The following SIGLEC11 variants were observed in gnomAD, a reference collection of about 807,000 sequenced individuals.
SIGLEC11 encodes sialic acid-binding Ig-like lectin 11.
SIGLEC11 carries 47 observed loss-of-function variants against 61.2 expected under a neutral mutation model. The ratio of observed to expected loss-of-function variants is 0.77; its 90% CI spans 0.61 to 0.98. SIGLEC11 has a LOEUF of 0.98. Ranked by LOEUF, SIGLEC11 falls within the 50% of genes least tolerant of loss-of-function variation. The probability of loss-of-function intolerance (pLI) is 0.00; values close to 1 mark genes in which losing one functional copy is unlikely to be tolerated. For synonymous variants in SIGLEC11, 278 were observed against 373.1 expected, an observed-to-expected ratio of 0.75 and a Z score of 2.94; for missense variants, 610 against 870.3, an observed-to-expected ratio of 0.70 and a Z score of 3.76.
intron 8 of SIGLEC11, among the ~76,000 whole-genome samples, chr19:49,956,405 T>C (rs976142443): frequency 6.6e-6 from 1 of 152,150 alleles, no homozygotes; most frequent in African/African-American, 2.4e-5. Context: ...ACACCTACTA[T>C]CAGCCGAAAG....
chr19:49,956,883 GA>G (rs57825504), intron 8 of SIGLEC11, among the ~76,000 whole-genome samples: 24,335 of 145,874 alleles, frequency 0.17, 2,772 homozygotes, highest in African/African-American at 0.32. Flanking sequence ...TCCTAGCCCA[GA>G]AAAAAAAAAA....
chr19:49,950,128 G>C lies in SIGLEC11; in HGVS notation c.1939C>G (p.Leu647Val). The C allele has an allele frequency of 1.2e-6, 2 of 1,612,652 alleles. No homozygotes were observed. The highest frequency in any genetic ancestry group is 1.7e-6 in the Non-Finnish European group (2 of 1,179,640). Residue 647 changes from leucine to valine, a missense_variant, in exon 11 of 11, where the codon CTC (leucine) becomes GTC (valine). Coordinates refer to ENST00000447370, the MANE Select transcript of SIGLEC11 (RefSeq NM_052884.3). ...GEEQELHYAS[L>V]SFQGLRLWEP... ...CAGAGCCTCAGGCCCTGGAAGCTGAGGGAGGCATAGTGGAGCTCCTGCTCT... is the reference window on the plus strand; with the variant it reads ...CAGAGCCTCAGGCCCTGGAAGCTGACGGAGGCATAGTGGAGCTCCTGCTCT...
Position 49,955,285 on chromosome 19 carries a change from G to C in SIGLEC11, c.1652-2891C>G, listed in dbSNP as rs181578199. On this transcript the variant is annotated intron_variant, in intron 8 of 10. Coordinates refer to ENST00000447370, the MANE Select transcript of SIGLEC11 (RefSeq NM_052884.3). This position sits in a 1 kb window ranked among gnomAD's most constrained non-coding sequence, Gnocchi z 4.5. Reference sequence around the variant, plus strand: ...GCCTGGCTCTATCTGGAAAAAGAGCGGGGCGGGGACTGGCCCCAGAAAAAA... The same window carrying C: ...GCCTGGCTCTATCTGGAAAAAGAGCCGGGCGGGGACTGGCCCCAGAAAAAA... 4.0e-5 allele frequency among the ~76,000 whole-genome samples: 6 copies of C among 151,376 alleles called. No individual in the cohort carries two copies. Among genetic ancestry groups the C allele is most frequent in the Non-Finnish European group, 8.8e-5 (6 of 67,944 alleles).
Position 49,958,263 on chromosome 19 carries a change from G to T in SIGLEC11, c.1651+20C>A. 6.2e-7 allele frequency: 1 copy of T among 1,611,002 alleles called. No homozygotes were observed. The highest frequency in any genetic ancestry group is 1.1e-5 in the South Asian group (1 of 90,718). Reference sequence around the variant, plus strand: ...CTGTCTCCTTTCTCCCTGAACCTCAGCCCCCCACAGTCCCCTCACCTGGTA... The same window carrying T: ...CTGTCTCCTTTCTCCCTGAACCTCATCCCCCCACAGTCCCCTCACCTGGTA... On this transcript the variant is annotated intron_variant, in intron 8 of 10. Transcript: ENST00000447370.
chr19:49,952,361 C>T lies in SIGLEC11; in HGVS notation c.1685G>A (p.Gly562Glu). The T allele has an allele frequency of 6.2e-7, 1 of 1,609,250 alleles. No individual in the cohort carries two copies. The highest frequency in any genetic ancestry group is 8.5e-7 in the Non-Finnish European group (1 of 1,179,982). Residue 562 changes from glycine to glutamate, a missense_variant, in exon 9 of 11, where the codon GGG (glycine) becomes GAG (glutamate). Gly to Glu is a moderately conservative substitution (Grantham distance 98). Transcript: ENST00000447370. Reference sequence around the variant, plus strand: ...AGCGACGCCAGCTCCCAGGGCAGCCCCCAGGCCAAGTCCTCCCCCATGCTC... The same window carrying T: ...AGCGACGCCAGCTCCCAGGGCAGCCTCCAGGCCAAGTCCTCCCCCATGCTC... ...KLEHGGGLGL[G>E]AALGAGVAAL...
At chr19:49,952,494 C>T in intron 8 of SIGLEC11, 100 bp from the exon 9 acceptor site, 2 of 766,032 alleles carry the variant, frequency 2.6e-6, no homozygotes, top group South Asian at 3.5e-5. Flanking sequence ...TCATCCCCAA[C>T]TGAGGCAGAA....
chr19:49,957,534 A>G (rs2076205619), intron 8 of SIGLEC11, among the ~76,000 whole-genome samples: 1 of 152,192 alleles, frequency 6.6e-6, no homozygotes, highest in Admixed American at 6.5e-5. Context: ...GAAAAAAAAA[A>G]AAAGACAAAT....
intron 9 of SIGLEC11, 131 bp downstream of exon 9, chr19:49,952,167 C>T: frequency 9.3e-7 from 1 of 1,080,090 alleles, no homozygotes; most frequent in Non-Finnish European, 1.3e-6. Flanking sequence ...CAGACCCCTG[C>T]TCTGATCCTC....
chr19:49,956,786 A>G (rs78439891), intron 8 of SIGLEC11, among the ~76,000 whole-genome samples: 1 of 152,180 alleles, frequency 6.6e-6, no homozygotes, highest in South Asian at 2.1e-4. Context: ...CATCACTAAT[A>G]AAACAGCAAA....
rs1014678550 is a variant in SIGLEC11 at position 49,960,929 on chromosome 19, AG to A, written c.82del (p.Leu28Ter). ...AAGACTGTAACTGGGATCCTTGTTC[AG>A]GGACCCTGGGGAGATGCAGAGGCTC... ...LLLPVLGAGSLNKDPSYSLQV... is the reference protein window; with the variant it reads ...LLLPVLGAGSXNKDPSYSLQV... On this transcript the variant is annotated frameshift_variant, in exon 2 of 11. Transcript: ENST00000447370. LOFTEE classifies it high-confidence loss of function. The A allele has an allele frequency of 6.7e-7, 1 of 1,485,212 alleles. No individual in the cohort carries two copies. Among genetic ancestry groups the A allele is most frequent in the African/African-American group, 1.4e-5 (1 of 70,022 alleles). The allele number at this position is 1,485,212 out of a possible 1,614,324, so 92.0% of individuals were successfully genotyped here. A position where few individuals can be genotyped will look rare whatever the true frequency, so the allele number is the denominator to read the frequency against.
At chr19:49,958,964 C>T in intron 6 of SIGLEC11, 64 bp from the exon 7 acceptor site, 5 of 1,612,882 alleles carry the variant, frequency 3.1e-6, no homozygotes, top group Non-Finnish European at 4.2e-6. Flanking sequence ...TGTGTGGGGA[C>T]CCTCCAGACT....
At chr19:49,959,103 C>T in intron 5 of SIGLEC11, 26 bp from the exon 6 acceptor site, 1 of 1,613,646 alleles carries the variant, frequency 6.2e-7, no homozygotes, top group Non-Finnish European at 8.5e-7. Flanking sequence ...GGGACCGGCT[C>T]TAGACAGACC....
intron 8 of SIGLEC11, among the ~76,000 whole-genome samples, chr19:49,953,384 C>T (rs1235840169): frequency 2.0e-5 from 3 of 152,080 alleles, no homozygotes; most frequent in Non-Finnish European, 2.9e-5. Context: ...TTGGGGGCAG[C>T]GAGAGTGGCT....
intron 8 of SIGLEC11, among the ~76,000 whole-genome samples, 198 bp downstream of exon 8, chr19:49,958,085 A>T (rs1247481129): frequency 6.6e-6 from 1 of 152,190 alleles, no homozygotes; most frequent in East Asian, 1.9e-4. Context: ...AACTTACCTT[A>T]AATAAACAAT....
intron 2 of SIGLEC11, 28 bp downstream of exon 2, chr19:49,960,524 A>C: frequency 6.3e-7 from 1 of 1,593,840 alleles, no homozygotes. Flanking sequence ...CCAGTGTGAC[A>C]GGCAGGGGTT....
At chr19:49,952,012 C>G in intron 9 of SIGLEC11, 40 bp from the exon 10 acceptor site, 1 of 1,563,256 alleles carries the variant, frequency 6.4e-7, no homozygotes, top group Non-Finnish European at 8.7e-7. Context: ...CCAGGCTGGT[C>G]CAGAGCCTGG....
chr19:49,950,723 G>C (rs2076153558), intron 10 of SIGLEC11, among the ~76,000 whole-genome samples: 3 of 152,194 alleles, frequency 2.0e-5, no homozygotes, highest in Admixed American at 6.5e-5. Flanking sequence ...GCAGCTTGCA[G>C]TATGGAAGAA....
chr19:49,949,897 G>A lies in SIGLEC11; in HGVS notation c.*73C>T, dbSNP rs2076146904. On this transcript the variant is annotated 3_prime_UTR_variant, in exon 11 of 11. Transcript: ENST00000447370. Reference sequence around the variant, plus strand: ...TTCATTGGGGATGGGGCTGAAATCTGAGTCCAGTTCTGGCCGTCACACCAG... The same window carrying A: ...TTCATTGGGGATGGGGCTGAAATCTAAGTCCAGTTCTGGCCGTCACACCAG... 2.3e-6 allele frequency: 3 copies of A among 1,312,366 alleles called. No individual in the cohort carries two copies. Among genetic ancestry groups the A allele is most frequent in the Non-Finnish European group, 2.9e-6 (3 of 1,018,700 alleles). 81.3% of individuals were successfully genotyped at this position (1,312,366 alleles called of 1,614,324 possible).
At chr19:49,954,005 G>T (rs2076177905) in intron 8 of SIGLEC11, among the ~76,000 whole-genome samples, 1 of 152,080 alleles carries the variant, frequency 6.6e-6, no homozygotes. Context: ...GAAACAATTG[G>T]GCATGTATTA....
Sources: gnomAD v4.1 joint callset for allele counts (sites outside exome capture counted in the v4.1 genomes callset) on GRCh38, gnomAD v4.1.1 for gene constraint, Gnocchi (gnomAD v3.1) non-coding constraint, MANE v1.5 for transcripts, NCBI Gene and HGNC (gene_info 2026-07-23, HGNC 2026-07-21) for gene names.